FSIP1: variants seen among roughly 807,000 people sequenced by gnomAD.
FSIP1 encodes the protein fibrous sheath interacting protein 1, also known as fibrous sheath-interacting protein 1.
A neutral mutation model predicts 60.9 loss-of-function variants in FSIP1; 65 were observed. That is an observed-to-expected ratio of 1.07 (90% CI 0.87 to 1.31). The LOEUF is 1.31. Ranked by LOEUF, FSIP1 falls within the 40% of genes most tolerant of loss-of-function variation. FSIP1 has a pLI of 0.00. For synonymous variants in FSIP1, 209 were observed against 221.2 expected (o/e 0.94, Z 0.49); for missense variants, 675 against 665.5 (o/e 1.01, Z -0.16).
chr15:39,618,000 A>T lies in FSIP1; in HGVS notation c.1434T>A (p.Ala478=). The change falls in exon 11 of 12, where the codon GCT becomes GCA. Residue 478 remains alanine (A), a synonymous_variant. Transcript: ENST00000350221. ...ADMLESEECE[A]SKGYYLTKAL... is the part of the protein sequence containing the mutation. Reference sequence around the variant, plus strand: ...CTTTAGTGAGATAGTAGCCTTTAGAAGCTTCACATTCTTCACTCTCAAGCA... The same window carrying T: ...CTTTAGTGAGATAGTAGCCTTTAGATGCTTCACATTCTTCACTCTCAAGCA... 1 of 1,614,208 alleles carries T rather than the reference A, an allele frequency of 6.2e-7. No homozygotes were observed. The highest frequency in any genetic ancestry group is 8.5e-7 in the Non-Finnish European group (1 of 1,180,032).
intron 10 of FSIP1, among the ~76,000 whole-genome samples, chr15:39,619,547 G>A (rs1891367502): frequency 6.6e-6 from 1 of 152,120 alleles, no homozygotes. Flanking sequence ...CAAGAAATAG[G>A]ATTAGAATTA....
intron 10 of FSIP1, among the ~76,000 whole-genome samples, chr15:39,697,759 C>A (rs1469275603): frequency 6.6e-6 from 1 of 152,162 alleles, no homozygotes; most frequent in Non-Finnish European, 1.5e-5. Context: ...TGAGCGTATT[C>A]TTTCTTTTCC....
At chr15:39,670,186 C>T (rs4142520) in intron 10 of FSIP1, among the ~76,000 whole-genome samples, 131,292 of 152,158 alleles carry the variant, frequency 0.86, 57,311 homozygotes, top group Non-Finnish European at 0.93. Context: ...ACCACTGAAT[C>T]AGATATGCAT....
At position 39,691,147 on chromosome 15, in the gene FSIP1, C is replaced by T. The variant is rs117516077; in HGVS notation, c.1188+22297G>A. Among the ~76,000 whole-genome samples the T allele has an allele frequency of 4.8e-3, 725 of 152,322 alleles. 25 individuals carry two copies. In the East Asian group the frequency reaches 0.068, roughly 14 times the overall value. On this transcript the variant is annotated intron_variant, in intron 10 of 11. Coordinates refer to ENST00000350221, the MANE Select transcript of FSIP1 (RefSeq NM_152597.5). ...TCCCAGAATCATGGTTACTCATTTGCACTATATTTGCATAATTAATAGGGT... is the reference window on the plus strand; with the variant it reads ...TCCCAGAATCATGGTTACTCATTTGTACTATATTTGCATAATTAATAGGGT...
chr15:39,710,011 G>A (rs1023297576), intron 10 of FSIP1, among the ~76,000 whole-genome samples: 2 of 152,080 alleles, frequency 1.3e-5, no homozygotes, highest in African/African-American at 4.8e-5. Flanking sequence ...ACTGAAACAA[G>A]GACTCAGGTC....
intron 11 of FSIP1, among the ~76,000 whole-genome samples, chr15:39,608,862 T>A (rs906386963): frequency 6.6e-6 from 1 of 152,144 alleles, no homozygotes; most frequent in South Asian, 2.1e-4. Context: ...TTGGACCACA[T>A]AACTGAAAAA....
At chr15:39,728,177 G>A (rs112156970) in intron 8 of FSIP1, among the ~76,000 whole-genome samples, 9,348 of 152,230 alleles carry the variant, frequency 0.061, 676 homozygotes, top group East Asian at 0.21. Flanking sequence ...CTCATGGATA[G>A]GAAGAATCAG....
At chr15:39,684,785 G>A (rs1894299260) in intron 10 of FSIP1, among the ~76,000 whole-genome samples, 1 of 152,208 alleles carries the variant, frequency 6.6e-6, no homozygotes, top group Non-Finnish European at 1.5e-5. Flanking sequence ...TAGCTGACTT[G>A]TATTGATGGA....
chr15:39,759,697 C>T (rs1471491709), intron 5 of FSIP1, among the ~76,000 whole-genome samples: 2 of 152,158 alleles, frequency 1.3e-5, no homozygotes, highest in East Asian at 1.9e-4. Context: ...AGCAGGGCCA[C>T]GTTCCCTCCA....
intron 11 of FSIP1, among the ~76,000 whole-genome samples, chr15:39,606,008 G>C (rs957100109): frequency 6.6e-6 from 1 of 152,156 alleles, no homozygotes; most frequent in Non-Finnish European, 1.5e-5. Flanking sequence ...CTAACCACTA[G>C]GCCACTTCCC....
chr15:39,713,325 G>T, intron 10 of FSIP1, 119 bp downstream of exon 10: 1 of 792,814 alleles, frequency 1.3e-6, no homozygotes, highest in Non-Finnish European at 1.9e-6. Context: ...CTAGCACTTT[G>T]GCAGGCTGAG....
Position 39,768,478 on chromosome 15 carries a change from A to C in FSIP1, c.310+1949T>G, listed in dbSNP as rs376345817. 3.3e-5 allele frequency among the ~76,000 whole-genome samples: 5 copies of C among 152,386 alleles called. 1 individual carries two copies. Among genetic ancestry groups the C allele is most frequent in the Admixed American group, 6.5e-5 (1 of 15,308 alleles). On this transcript the variant is annotated intron_variant, in intron 3 of 11. Coordinates refer to ENST00000350221, the MANE Select transcript of FSIP1 (RefSeq NM_152597.5). ...AAACATGCTATTACTAATTATGTTAACATAAGTATCACATTTTATAACAAA... is the reference window on the plus strand; with the variant it reads ...AAACATGCTATTACTAATTATGTTACCATAAGTATCACATTTTATAACAAA...
intron 9 of FSIP1, among the ~76,000 whole-genome samples, chr15:39,720,920 ATAT>A (rs1380764747): frequency 2.6e-5 from 4 of 152,244 alleles, no homozygotes; most frequent in African/African-American, 9.6e-5. Context: ...CTGCAACCAC[ATAT>A]TATTCACACT....
chr15:39,775,547 C>T (rs1402743827), intron 2 of FSIP1, among the ~76,000 whole-genome samples: 2 of 152,058 alleles, frequency 1.3e-5, no homozygotes, highest in Admixed American at 1.3e-4. Context: ...CAGATAATAT[C>T]TGATATGTTT....
At chr15:39,700,490 C>T (rs1906154) in intron 10 of FSIP1, among the ~76,000 whole-genome samples, 105,178 of 151,790 alleles carry the variant, frequency 0.69, 37,956 homozygotes, top group Non-Finnish European at 0.82. Flanking sequence ...TTTGTTTTGT[C>T]TATGTGACAG....
intron 10 of FSIP1, among the ~76,000 whole-genome samples, chr15:39,646,880 T>C (rs1317882592): frequency 6.6e-6 from 1 of 152,096 alleles, no homozygotes; most frequent in African/African-American, 2.4e-5. Flanking sequence ...TACAGAGAAA[T>C]ATTATTTAGC....
intron 10 of FSIP1, among the ~76,000 whole-genome samples, chr15:39,640,723 C>A (rs72725095): frequency 8.2e-5 from 11 of 134,082 alleles, no homozygotes; most frequent in South Asian, 2.3e-4. Flanking sequence ...AGAAGATTTA[C>A]AGACAAAAAA....
chr15:39,678,479 T>C (rs1309799187), intron 10 of FSIP1, among the ~76,000 whole-genome samples: 2 of 152,070 alleles, frequency 1.3e-5, no homozygotes, highest in East Asian at 1.9e-4. Context: ...AAATATCTCA[T>C]TGGAAAGGTA....
rs140697593 is a variant in FSIP1 at position 39,617,993 on chromosome 15, C to G, written c.1441G>C (p.Gly481Arg). ...LESEECEASKGYYLTKALTGH... is the reference protein window; with the variant it reads ...LESEECEASKRYYLTKALTGH... The stretch of plus-strand genomic sequence containing the variant: ...GTCAAGGCTTTAGTGAGATAGTAGC[C>G]TTTAGAAGCTTCACATTCTTCACTC... The change falls in exon 11 of 12, where the codon GGC (glycine) becomes CGC (arginine). Residue 481 changes from glycine (G) to arginine (R), a missense_variant. Gly to Arg is a moderately radical substitution (Grantham distance 125). Transcript: ENST00000350221. The G allele has an allele frequency of 1.9e-6, 3 of 1,614,144 alleles. No individual in the cohort carries two copies. In the South Asian group the frequency reaches 3.3e-5, roughly 18 times the overall value.
Sources: allele counts gnomAD v4.1 joint callset (sites outside exome capture counted in the v4.1 genomes callset), GRCh38; gene constraint gnomAD v4.1.1; transcripts MANE v1.5; gene names NCBI Gene and HGNC (gene_info 2026-07-23, HGNC 2026-07-21).